RNF150: variants seen among roughly 807,000 people sequenced by gnomAD.
RNF150 encodes ring finger protein 150.
In RNF150, 24 loss-of-function variants were observed where a neutral mutation model predicts 39.3. The ratio of observed to expected loss-of-function variants is 0.61; its 90% confidence interval spans 0.44 to 0.86. RNF150 has a LOEUF of 0.86. Ranked by LOEUF, RNF150 falls within the 40% of genes least tolerant of loss-of-function variation. RNF150 has a pLI of 0.00. For missense variants in RNF150, 502 were observed against 587.8 expected (o/e 0.85, Z 1.51); for synonymous variants, 255 against 227.3 (o/e 1.12, Z -1.10).
intron 1 of RNF150, among the ~76,000 whole-genome samples, chr4:141,199,426 A>C (rs1728254395): frequency 2.0e-5 from 3 of 152,216 alleles, no homozygotes. Context: ...TTGATTCACA[A>C]TGTCCAAAGG....
At chr4:141,001,008 T>C (rs1734647724) in intron 1 of RNF150, among the ~76,000 whole-genome samples, 1 of 152,194 alleles carries the variant, frequency 6.6e-6, no homozygotes, top group South Asian at 2.1e-4. Context: ...GAAAAAGAAT[T>C]AAACAAATCA....
At chr4:141,190,858 C>A (rs1019105129) in intron 1 of RNF150, among the ~76,000 whole-genome samples, 1 of 152,258 alleles carries the variant, frequency 6.6e-6, no homozygotes, top group African/African-American at 2.4e-5. Context: ...TTTTCATAAG[C>A]CTTCCACCAG....
At chr4:141,187,796 T>C (rs1413380910) in intron 1 of RNF150, among the ~76,000 whole-genome samples, 1 of 152,232 alleles carries the variant, frequency 6.6e-6, no homozygotes. Flanking sequence ...GTCTTGACTC[T>C]TTCCAATTTG....
chr4:141,161,608 G>A (rs145074175), intron 1 of RNF150, among the ~76,000 whole-genome samples: 11 of 152,284 alleles, frequency 7.2e-5, no homozygotes, highest in South Asian at 6.2e-4. Flanking sequence ...AACTTTTGTC[G>A]CAACCCCTCC....
intron 4 of RNF150, among the ~76,000 whole-genome samples, chr4:140,943,619 A>T (rs927617398): frequency 6.9e-4 from 105 of 152,158 alleles, no homozygotes; most frequent in Non-Finnish European, 3.1e-4. Context: ...CTCTATCATG[A>T]ATACTTATTT....
At chr4:141,211,058 T>A (rs1419570186) in intron 1 of RNF150, among the ~76,000 whole-genome samples, 1 of 152,196 alleles carries the variant, frequency 6.6e-6, no homozygotes, top group Non-Finnish European at 1.5e-5. Flanking sequence ...CTAAAGTTCT[T>A]GCATCACTGT....
chr4:141,204,328 A>G (rs1479237504), intron 1 of RNF150, among the ~76,000 whole-genome samples: 1 of 152,164 alleles, frequency 6.6e-6, no homozygotes, highest in Non-Finnish European at 1.5e-5. Flanking sequence ...GAGAATTGAG[A>G]GAGAAGAAGG....
chr4:141,016,554 C>A (rs1735282744), intron 1 of RNF150, among the ~76,000 whole-genome samples: 1 of 152,252 alleles, frequency 6.6e-6, no homozygotes, highest in Admixed American at 6.5e-5. Flanking sequence ...CCTATTGTCA[C>A]CACCTCAATA....
intron 2 of RNF150, among the ~76,000 whole-genome samples, chr4:140,956,889 T>C (rs1732777080): frequency 1.3e-5 from 2 of 151,676 alleles, no homozygotes; most frequent in Non-Finnish European, 2.9e-5. Flanking sequence ...CCTTACACCT[T>C]ATACAAAAAT....
At chr4:140,914,178 G>A (rs1730725261) in intron 5 of RNF150, among the ~76,000 whole-genome samples, 2 of 152,184 alleles carry the variant, frequency 1.3e-5, no homozygotes, top group South Asian at 4.1e-4. Context: ...CTTTAACAGA[G>A]TGGGTAGAGG....
At chr4:141,024,886 C>T (rs996114022) in intron 1 of RNF150, among the ~76,000 whole-genome samples, 1 of 152,180 alleles carries the variant, frequency 6.6e-6, no homozygotes, top group Admixed American at 6.5e-5. Flanking sequence ...ACAAGAATCT[C>T]TATCTCCATG....
intron 6 of RNF150, among the ~76,000 whole-genome samples, chr4:140,900,862 A>G (rs1419308014): frequency 1.3e-5 from 2 of 152,094 alleles, no homozygotes; most frequent in African/African-American, 2.4e-5. Flanking sequence ...AGCCTTCACA[A>G]CAAACCTATG....
At chr4:141,211,680 G>GTT (rs33921054) in intron 1 of RNF150, among the ~76,000 whole-genome samples, 32,739 of 148,366 alleles carry the variant, frequency 0.22, 3,760 homozygotes, top group South Asian at 0.32. Flanking sequence ...AACTTACTTT[G>GTT]TTTTTTTTTT....
chr4:140,939,010 T>C (rs1408237606), intron 4 of RNF150, among the ~76,000 whole-genome samples: 1 of 152,206 alleles, frequency 6.6e-6, no homozygotes, highest in East Asian at 1.9e-4. Context: ...TCATTAAAAC[T>C]AGTAGACCAT....
Position 140,965,662 on chromosome 4 carries a change from A to C in RNF150, c.735+1961T>G, listed in dbSNP as rs191352328. Among the ~76,000 whole-genome samples the C allele has an allele frequency of 5.8e-3, 883 of 152,272 alleles. 5 individuals carry two copies. The highest frequency in any genetic ancestry group is 0.02 in the African/African-American group (832 of 41,568). On this transcript the variant is annotated intron_variant, in intron 2 of 6. Transcript: ENST00000515673. Reference sequence around the variant, plus strand: ...GTGAAATCAGCCAGACATAGAAAGAAAAATACTGATCTCACCTATATATGG... The same window carrying C: ...GTGAAATCAGCCAGACATAGAAAGACAAATACTGATCTCACCTATATATGG...
chr4:141,074,406 T>G (rs1012134839), intron 1 of RNF150, among the ~76,000 whole-genome samples: 1 of 151,326 alleles, frequency 6.6e-6, no homozygotes, highest in African/African-American at 2.4e-5. Context: ...TTGATGCCTG[T>G]CTCAGTCTGG....
chr4:140,896,654 A>G (rs1196285823), intron 6 of RNF150, among the ~76,000 whole-genome samples: 1 of 111,658 alleles, frequency 9.0e-6, no homozygotes, highest in African/African-American at 3.2e-5. Flanking sequence ...AACCTGCACA[A>G]TGTGCACATG....
At chr4:141,107,542 T>C (rs1010895007) in intron 1 of RNF150, among the ~76,000 whole-genome samples, 3 of 152,172 alleles carry the variant, frequency 2.0e-5, no homozygotes, top group African/African-American at 7.2e-5. Context: ...TATGACAAGG[T>C]AGCACAATGC....
At chr4:141,139,849 A>G (rs1332882231) in intron 1 of RNF150, among the ~76,000 whole-genome samples, 1 of 152,178 alleles carries the variant, frequency 6.6e-6, no homozygotes, top group East Asian at 1.9e-4. Flanking sequence ...ACTCTAGGGT[A>G]TGATTTTAAG....
Sources: gnomAD v4.1 joint callset for allele counts (sites outside exome capture counted in the v4.1 genomes callset) on GRCh38, gnomAD v4.1.1 for gene constraint, MANE v1.5 for transcripts, NCBI Gene and HGNC (gene_info 2026-07-23, HGNC 2026-07-21) for gene names.